The following OPCML variants were observed in gnomAD, a reference collection of about 807,000 sequenced individuals.
OPCML encodes the protein opioid binding protein/cell adhesion molecule like, also known as opioid-binding protein/cell adhesion molecule.
In OPCML, 13 loss-of-function variants were observed where a neutral mutation model predicts 37.8. That is an observed-to-expected ratio of 0.34 (90% CI 0.22 to 0.55). The LOEUF (loss-of-function observed/expected upper bound fraction) is 0.55. Ranked by LOEUF, OPCML falls within the 20% of genes least tolerant of loss-of-function variation. OPCML has a pLI of 0.91. For missense variants in OPCML, 341 were observed against 435.6 expected (o/e 0.78, Z 1.93); for synonymous variants, 176 against 168.8 (o/e 1.04, Z -0.33).
chr11:133,387,791 T>C (rs1485812632), intron 1 of OPCML, among the ~76,000 whole-genome samples: 1 of 152,218 alleles, frequency 6.6e-6, no homozygotes, highest in Non-Finnish European at 1.5e-5. Context: ...GACACAGTGA[T>C]AGATGTTGTG....
chr11:132,829,636 T>G (rs1353055446), intron 2 of OPCML, among the ~76,000 whole-genome samples: 5 of 152,158 alleles, frequency 3.3e-5, no homozygotes, highest in African/African-American at 1.2e-4. Context: ...TGGCCTACAT[T>G]AGCAGCCTCA....
Position 133,141,054 on chromosome 11 carries a change from A to G in OPCML, c.62-198044T>C, listed in dbSNP as rs866722618. ...ACGACGACGACGACGACGACGAAGA[A>G]GAAGAAGAAGAAGAAGAAGAAGAAG... is the stretch of plus-strand genomic sequence containing the variant. On this transcript the variant is annotated intron_variant, in intron 1 of 7. Coordinates refer to ENST00000524381, the MANE Select transcript of OPCML (RefSeq NM_001012393.5). 1.5e-4 allele frequency among the ~76,000 whole-genome samples: 8 copies of G among 52,692 alleles called. 1 individual carries two copies. The highest frequency in any genetic ancestry group is 4.6e-4 in the African/African-American group (8 of 17,214). The allele number at this position is 52,692 out of a possible 152,430, so 34.6% of individuals were successfully genotyped here.
intron 1 of OPCML, among the ~76,000 whole-genome samples, chr11:133,325,626 A>G (rs1156632785): frequency 6.6e-6 from 1 of 152,220 alleles, no homozygotes; most frequent in East Asian, 1.9e-4. Context: ...TTAATAGGCA[A>G]TAAATGATGA....
At chr11:133,059,973 C>A (rs1215239676) in intron 1 of OPCML, among the ~76,000 whole-genome samples, 5 of 152,188 alleles carry the variant, frequency 3.3e-5, no homozygotes, top group African/African-American at 1.2e-4. Context: ...GCTGTTGATA[C>A]TCCATCTTTT....
Position 132,603,626 on chromosome 11 carries a change from C to T in OPCML, c.379+53461G>A, listed in dbSNP as rs575409990. The stretch of plus-strand genomic sequence containing the variant: ...TAATCTGAACTGTATAATTGCCCAG[C>T]TTAAAAACCTTTTGGTGGTTTCTTA... On this transcript the variant is annotated intron_variant, in intron 3 of 7. Transcript: ENST00000524381. 4.6e-5 allele frequency among the ~76,000 whole-genome samples: 7 copies of T among 152,296 alleles called. No individual in the cohort carries two copies. The East Asian group carries it at 1.4e-3, about 29-fold the overall frequency.
chr11:132,582,103 T>TG (rs2096463216), intron 3 of OPCML, among the ~76,000 whole-genome samples: 4 of 86,190 alleles, frequency 4.6e-5, no homozygotes, highest in Non-Finnish European at 7.1e-5. Flanking sequence ...TCACACATAC[T>TG]TTGTGTGTGT....
At chr11:132,691,415 C>T (rs2135889958) in intron 2 of OPCML, among the ~76,000 whole-genome samples, 1 of 152,302 alleles carries the variant, frequency 6.6e-6, no homozygotes, top group South Asian at 2.1e-4. Context: ...CAAGATTGTC[C>T]AAGTCCTTAT....
intron 2 of OPCML, among the ~76,000 whole-genome samples, chr11:132,890,843 C>T (rs112485291): frequency 0.068 from 8,777 of 128,332 alleles, 315 homozygotes; most frequent in African/African-American, 0.079. Context: ...GGTGACAGAG[C>T]GAGACTCCAT....
chr11:133,417,954 G>C (rs1191412760), intron 1 of OPCML, among the ~76,000 whole-genome samples: 1 of 151,754 alleles, frequency 6.6e-6, no homozygotes, highest in African/African-American at 2.4e-5. Flanking sequence ...AAAAAAAACA[G>C]AAAAGCAGGT....
intron 1 of OPCML, among the ~76,000 whole-genome samples, chr11:133,092,472 C>T (rs1286728676): frequency 6.6e-6 from 1 of 152,070 alleles, no homozygotes; most frequent in Non-Finnish European, 1.5e-5. Context: ...CCTGTAATCC[C>T]AGTACTTTGG....
intron 1 of OPCML, among the ~76,000 whole-genome samples, chr11:133,001,427 G>C (rs150485165): frequency 6.6e-6 from 1 of 152,174 alleles, no homozygotes; most frequent in Non-Finnish European, 1.5e-5. Flanking sequence ...TAAAGAAGAA[G>C]GCTATGTTTT....
chr11:132,502,265 T>C (rs2096247202), intron 4 of OPCML, among the ~76,000 whole-genome samples: 1 of 152,196 alleles, frequency 6.6e-6, no homozygotes, highest in South Asian at 2.1e-4. Context: ...CCCATCTTGT[T>C]GTCTTTGGTC....
chr11:133,445,214 AC>A (rs1490596836), intron 1 of OPCML, among the ~76,000 whole-genome samples: 1 of 151,906 alleles, frequency 6.6e-6, no homozygotes, highest in African/African-American at 2.4e-5. Flanking sequence ...GTGGATGGAG[AC>A]CACCATAACC....
chr11:133,022,454 C>T (rs1331978593), intron 1 of OPCML, among the ~76,000 whole-genome samples: 9 of 151,826 alleles, frequency 5.9e-5, no homozygotes, highest in Admixed American at 1.3e-4. Context: ...GTGACCATCA[C>T]GCAAATGGTG....
intron 2 of OPCML, among the ~76,000 whole-genome samples, chr11:132,783,286 C>A (rs932233919): frequency 2.0e-5 from 3 of 152,110 alleles, no homozygotes; most frequent in Non-Finnish European, 4.4e-5. Context: ...TTCATGACTT[C>A]CAGAGTCACA....
chr11:132,523,697 C>T (rs1420487750), intron 4 of OPCML, among the ~76,000 whole-genome samples: 3 of 152,066 alleles, frequency 2.0e-5, no homozygotes, highest in Admixed American at 2.0e-4. Flanking sequence ...CCCCAAATGC[C>T]AAGATACAAT....
At chr11:133,153,718 T>C (rs1216942714) in intron 1 of OPCML, among the ~76,000 whole-genome samples, 1 of 152,084 alleles carries the variant, frequency 6.6e-6, no homozygotes, top group East Asian at 1.9e-4. Flanking sequence ...CTTTCCCATC[T>C]CCTTATTCTG....
chr11:133,231,748 A>G (rs752855755), intron 1 of OPCML, among the ~76,000 whole-genome samples: 1 of 152,176 alleles, frequency 6.6e-6, no homozygotes, highest in Admixed American at 6.5e-5. Flanking sequence ...GGTGATAACT[A>G]TACCTACATT....
chr11:133,246,833 G>C (rs1327037060), intron 1 of OPCML, among the ~76,000 whole-genome samples: 1 of 152,180 alleles, frequency 6.6e-6, no homozygotes, highest in Non-Finnish European at 1.5e-5. Flanking sequence ...GTACCAGTGG[G>C]AATGGTCAGT....
Sources: allele counts gnomAD v4.1 joint callset (sites outside exome capture counted in the v4.1 genomes callset), GRCh38; gene constraint gnomAD v4.1.1; transcripts MANE v1.5; gene names NCBI Gene and HGNC (gene_info 2026-07-23, HGNC 2026-07-21).